The following UNK variants were observed in gnomAD, a reference collection of about 807,000 sequenced individuals.
UNK encodes unk zinc finger, also known as RING finger protein unkempt homolog.
In UNK, 32 loss-of-function variants were observed where a neutral mutation model predicts 97.6. The observed-to-expected ratio is 0.33, with a 90% CI of 0.25 to 0.44. The LOEUF is 0.44. Ranked by LOEUF, UNK falls within the 20% of genes least tolerant of loss-of-function variation. The pLI is 1.00. For synonymous variants in UNK, 441 were observed against 461.2 expected, an observed-to-expected ratio of 0.96 and a Z score of 0.56; for missense variants, 771 against 1,098.4, an observed-to-expected ratio of 0.70 and a Z score of 4.21.
chr17:75,807,425 G>T (rs1046527386), intron 1 of UNK, among the ~76,000 whole-genome samples: 6 of 152,182 alleles, frequency 3.9e-5, no homozygotes, highest in Non-Finnish European at 8.8e-5. Context: ...TGCCAGTTAC[G>T]TTGGAAACAG....
chr17:75,805,513 G>A (rs1386731106), intron 1 of UNK, among the ~76,000 whole-genome samples: 3 of 151,986 alleles, frequency 2.0e-5, no homozygotes, highest in Non-Finnish European at 4.4e-5. Context: ...TCTCATTACA[G>A]GCCAGGTGTG....
At position 75,825,561 on chromosome 17, in the gene UNK, G is replaced by A. The variant is rs1053531547; in HGVS notation, c.*1144G>A. On this transcript the variant is annotated 3_prime_UTR_variant, in exon 16 of 16. Coordinates refer to ENST00000589666, the MANE Select transcript of UNK (RefSeq NM_001080419.3). This position sits in a 1 kb window ranked among gnomAD's most constrained non-coding sequence, Gnocchi z 4.4. ...TCCATTTTAAAAATTGTTCTGTACA[G>A]AGAGAGATGCAGCAGGGGCGGGAGG... is the stretch of plus-strand genomic sequence containing the variant. The A allele has an allele frequency of 6.6e-6, 1 of 152,592 alleles. No individual in the cohort carries two copies. Among genetic ancestry groups the A allele is most frequent in the African/African-American group, 2.4e-5 (1 of 41,446 alleles). 9.5% of individuals were successfully genotyped at this position (152,592 alleles called of 1,614,324 possible).
intron 2 of UNK, among the ~76,000 whole-genome samples, chr17:75,810,931 C>T (rs545841670): frequency 6.6e-6 from 1 of 151,834 alleles, no homozygotes; most frequent in East Asian, 1.9e-4. Context: ...CCACTATGCC[C>T]GGCTTCAGTT....
intron 1 of UNK, 148 bp from the exon 2 acceptor site, chr17:75,809,612 C>T: frequency 1.2e-6 from 1 of 817,258 alleles, no homozygotes; most frequent in Non-Finnish European, 1.9e-6. Flanking sequence ...GAGGTGTAGC[C>T]TTACAGCTCT....
rs1420051555 is a variant in UNK, at chr17:75,823,483, C to G, written c.2238C>G (p.Leu746=). 1.9e-6 allele frequency: 3 copies of G among 1,570,676 alleles called. No homozygotes were observed. The South Asian group carries it at 3.4e-5, about 18-fold the overall frequency. Reference sequence around the variant, plus strand: ...TCTCACTCTCCACCCTCTACTCCCTCCAGAAACAACTGCGGGCCCACCTGG... The same window carrying G: ...TCTCACTCTCCACCCTCTACTCCCTGCAGAAACAACTGCGGGCCCACCTGG... ...EALSLSTLYS[L]QKQLRAHLEQ... Residue 746 remains leucine (L), a synonymous_variant, in exon 15 of 16, where the codon CTC becomes CTG. Coordinates refer to ENST00000589666, the MANE Select transcript of UNK (RefSeq NM_001080419.3).
intron 2 of UNK, 103 bp from the exon 3 acceptor site, chr17:75,812,009 A>G: frequency 7.5e-7 from 1 of 1,336,428 alleles, no homozygotes; most frequent in Non-Finnish European, 9.9e-7. Context: ...ACAAACAAAC[A>G]ACAACAACAA....
At chr17:75,814,489 C>CAAAA (rs59234903) in intron 6 of UNK, among the ~76,000 whole-genome samples, 36 of 69,912 alleles carry the variant, frequency 5.1e-4, no homozygotes, top group South Asian at 6.6e-4. Context: ...GAGACTCCAT[C>CAAAA]AAAAAAAAAA....
chr17:75,800,204 G>A (rs1162866299), intron 1 of UNK, among the ~76,000 whole-genome samples: 3 of 152,030 alleles, frequency 2.0e-5, no homozygotes, highest in Admixed American at 2.0e-4. Flanking sequence ...GAGTAGCTGG[G>A]ACTATAGGTG....
Position 75,818,638 on chromosome 17 carries a change from G to A in UNK, c.1372-4G>A. The A allele has an allele frequency of 1.3e-6, 2 of 1,588,410 alleles. No homozygotes were observed. Among genetic ancestry groups the A allele is most frequent in the Non-Finnish European group, 1.7e-6 (2 of 1,165,456 alleles). ...TGCTTCTCCTCTTCCCTCTCTCGTT[G>A]CAGGACATGCTGGGCATCCTCCCCG... On this transcript the variant is annotated splice_region_variant and splice_polypyrimidine_tract_variant and intron_variant, in intron 10 of 15. Transcript: ENST00000589666. This position sits in a 1 kb window ranked among gnomAD's most constrained non-coding sequence, Gnocchi z 5.1.
At chr17:75,810,785 C>T (rs969573801) in intron 2 of UNK, among the ~76,000 whole-genome samples, 1 of 151,562 alleles carries the variant, frequency 6.6e-6, no homozygotes, top group African/African-American at 2.4e-5. Flanking sequence ...TGCAGGCGTG[C>T]ACCACAATAC....
Position 75,817,348 on chromosome 17 carries a change from T to C in UNK, c.1127T>C (p.Leu376Pro), listed in dbSNP as rs751284995. 6.3e-7 allele frequency: 1 copy of C among 1,597,460 alleles called. No homozygotes were observed. The change falls in exon 9 of 16, where the codon CTA becomes CCA. Residue 376 changes from leucine (L) to proline (P), a missense_variant. Coordinates refer to ENST00000589666, the MANE Select transcript of UNK (RefSeq NM_001080419.3). The surrounding 1 kb of genome is among the most constrained non-coding windows in gnomAD (Gnocchi z 5.8). Reference protein sequence around the residue: ...LSALLCRNSSLGSPSNLCGSP... With the variant: ...LSALLCRNSSPGSPSNLCGSP... Reference sequence around the variant, plus strand: ...CAGCTCCTCTGTAGAAACAGCAGCCTAGGCAGCCCGTCTAACCTCTGCGGC... The same window carrying C: ...CAGCTCCTCTGTAGAAACAGCAGCCCAGGCAGCCCGTCTAACCTCTGCGGC...
chr17:75,787,321 C>T (rs547365679), intron 1 of UNK, among the ~76,000 whole-genome samples: 486 of 152,188 alleles, frequency 3.2e-3, no homozygotes, highest in Non-Finnish European at 5.6e-3. Context: ...AAGTGATCCT[C>T]CCACCTCAGT....
chr17:75,822,229 G>A (rs2062075529), intron 13 of UNK, among the ~76,000 whole-genome samples: 1 of 152,240 alleles, frequency 6.6e-6, no homozygotes, highest in Admixed American at 6.5e-5. Context: ...TCCCACATGA[G>A]GGTGCTGAGC....
chr17:75,824,343 C>A lies in UNK; in HGVS notation c.2359C>A (p.Leu787Met). 1.2e-6 allele frequency: 2 copies of A among 1,601,568 alleles called. No homozygotes were observed. Among genetic ancestry groups the A allele is most frequent in the Non-Finnish European group, 1.7e-6 (2 of 1,175,940 alleles). Residue 787 changes from leucine (L) to methionine (M), a missense_variant, in exon 16 of 16, where the codon CTG becomes ATG. Coordinates refer to ENST00000589666, the MANE Select transcript of UNK (RefSeq NM_001080419.3). The surrounding 1 kb of genome is among the most constrained non-coding windows in gnomAD (Gnocchi z 4.9). ...AGTGCTGCCGTGCCAACACGCTGCGCTGTGTGAGCTCTGCGCTGAGGGCAG... is the reference window on the plus strand; with the variant it reads ...AGTGCTGCCGTGCCAACACGCTGCGATGTGTGAGCTCTGCGCTGAGGGCAG... ...RAVLPCQHAA[L>M]CELCAEGSEC...
In UNK at chr17:75,815,072, G is replaced by A. The variant is rs2062005096; in HGVS notation, c.877-97G>A. On this transcript the variant is annotated intron_variant, in intron 6 of 15. Coordinates refer to ENST00000589666, the MANE Select transcript of UNK (RefSeq NM_001080419.3). ...GGGAGGGGCCGGGAACACAGGGCAAGAGATGACTAAGCCAGCGCACTCATG... is the reference window on the plus strand; with the variant it reads ...GGGAGGGGCCGGGAACACAGGGCAAAAGATGACTAAGCCAGCGCACTCATG... 9.0e-6 allele frequency: 10 copies of A among 1,105,090 alleles called. 1 individual carries two copies. The African/African-American group carries it at 9.2e-5, about 10-fold the overall frequency. 68.5% of individuals were successfully genotyped at this position (1,105,090 alleles called of 1,614,324 possible). A position where few individuals can be genotyped will look rare whatever the true frequency, so the allele number is the denominator to read the frequency against.
Position 75,784,874 on chromosome 17 carries a change from C to T in UNK, c.-7C>T, listed in dbSNP as rs368125385. The T allele has an allele frequency of 1.0e-5, 16 of 1,600,528 alleles. No individual in the cohort carries two copies. The highest frequency in any genetic ancestry group is 4.0e-5 in the African/African-American group (3 of 74,426). ...GGGGAGCGGCGAAGAGGCAGGAAGA[C>T]AAGACCATGTCGAAGGGCCCCGGGC... is the stretch of plus-strand genomic sequence containing the variant. On this transcript the variant is annotated 5_prime_UTR_variant, in exon 1 of 16. Coordinates refer to ENST00000589666, the MANE Select transcript of UNK (RefSeq NM_001080419.3).
rs372795241 is a variant in UNK at position 75,820,012 on chromosome 17, G to A, written c.1741G>A (p.Val581Ile). 53 of 1,613,702 alleles carry A rather than the reference G, an allele frequency of 3.3e-5. No individual in the cohort carries two copies. Among genetic ancestry groups the A allele is most frequent in the African/African-American group, 1.5e-4 (11 of 74,940 alleles). Residue 581 changes from valine (V) to isoleucine (I), a missense_variant, in exon 13 of 16, where the codon GTC (valine) becomes ATC (isoleucine). Val to Ile is a conservative substitution (Grantham distance 29). This residue lies in a region of UNK where 91 missense variants were observed against 173.1 expected (regional missense o/e 0.53). Transcript: ENST00000589666. ...CCACTCAGCATCCCCGTCCCCTCCCGTCAGCCTCTCCTCGCATTTCCTGCA... is the reference window on the plus strand; with the variant it reads ...CCACTCAGCATCCCCGTCCCCTCCCATCAGCCTCTCCTCGCATTTCCTGCA... ...SFHSASPSPP[V>I]SLSSHFLQQP...
chr17:75,794,107 A>C, intron 1 of UNK: 1 of 983,400 alleles, frequency 1.0e-6, no homozygotes, highest in Non-Finnish European at 1.2e-6. Flanking sequence ...GATTAAAAAC[A>C]AAGTAACGTC....
At position 75,816,802 on chromosome 17, in the gene UNK, T is replaced by A; in HGVS notation, c.994T>A (p.Ser332Thr). The A allele has an allele frequency of 6.2e-7, 1 of 1,606,112 alleles. No individual in the cohort carries two copies. The highest frequency in any genetic ancestry group is 8.5e-7 in the Non-Finnish European group (1 of 1,179,642). ...PPLSDDLQPS[S>T]AVSSPTQPGP... ...CCTGAGTGACGACCTGCAGCCTTCCTCAGCTGTGTCCAGCCCCACCCAGCC... is the reference window on the plus strand; with the variant it reads ...CCTGAGTGACGACCTGCAGCCTTCCACAGCTGTGTCCAGCCCCACCCAGCC... Residue 332 changes from serine (S) to threonine (T), a missense_variant, in exon 8 of 16, where the codon TCA becomes ACA. Physicochemically the swap from Ser to Thr is moderately conservative, Grantham distance 58. Coordinates refer to ENST00000589666, the MANE Select transcript of UNK (RefSeq NM_001080419.3). The surrounding 1 kb of genome is among the most constrained non-coding windows in gnomAD (Gnocchi z 4.0).
Sources: gnomAD v4.1 joint callset for allele counts (sites outside exome capture counted in the v4.1 genomes callset) on GRCh38, gnomAD v4.1.1 for gene constraint, gnomAD v4.1.1 regional missense constraint, Gnocchi (gnomAD v3.1) non-coding constraint, MANE v1.5 for transcripts, NCBI Gene and HGNC (gene_info 2026-07-23, HGNC 2026-07-21) for gene names.